The following FMN2 variants were observed in gnomAD, a reference collection of about 807,000 sequenced individuals.
FMN2 encodes the protein formin-2.
Under a neutral mutation model 142.3 loss-of-function variants are expected in FMN2, and 51 were observed. The ratio of observed to expected loss-of-function variants is 0.36; its 90% CI spans 0.29 to 0.45. The LOEUF is 0.45. Ranked by LOEUF, FMN2 falls within the 20% of genes least tolerant of loss-of-function variation. The probability of loss-of-function intolerance (pLI) is 1.00; values close to 1 mark genes in which losing one functional copy is unlikely to be tolerated. For synonymous variants in FMN2, 882 were observed against 869.8 expected, an observed-to-expected ratio of 1.01 and a Z score of -0.25; for missense variants, 1,936 against 2,122.8, an observed-to-expected ratio of 0.91 and a Z score of 1.73.
chr1:240,243,144 A>G (rs1667969453), intron 6 of FMN2, among the ~76,000 whole-genome samples: 1 of 152,146 alleles, frequency 6.6e-6, no homozygotes, highest in Non-Finnish European at 1.5e-5. Context: ...AAAAAAACCA[A>G]AAAACAAAAA....
At chr1:240,116,127 T>C (rs762605676) in intron 1 of FMN2, among the ~76,000 whole-genome samples, 6 of 152,204 alleles carry the variant, frequency 3.9e-5, no homozygotes, top group Non-Finnish European at 8.8e-5. Context: ...ATCTTGGTTT[T>C]GGTGGGTTTT....
intron 1 of FMN2, among the ~76,000 whole-genome samples, chr1:240,094,969 T>C (rs1162049957): frequency 6.6e-6 from 1 of 152,180 alleles, no homozygotes; most frequent in Non-Finnish European, 1.5e-5. Flanking sequence ...CCCTTAAAAG[T>C]AGCTTCTTCC....
chr1:240,174,679 T>A (rs965819603), intron 2 of FMN2, among the ~76,000 whole-genome samples: 5 of 152,194 alleles, frequency 3.3e-5, no homozygotes, highest in Admixed American at 3.3e-4. Context: ...TTCAGTTGTT[T>A]TCTTAAGCCA....
intron 14 of FMN2, among the ~76,000 whole-genome samples, chr1:240,384,976 T>G (rs1417839737): frequency 6.6e-6 from 1 of 152,174 alleles, no homozygotes; most frequent in Non-Finnish European, 1.5e-5. Flanking sequence ...ACCATTTTCT[T>G]AAAGGAAAAA....
intron 1 of FMN2, among the ~76,000 whole-genome samples, chr1:240,098,097 A>ATTTTTTTTTTTTTTTTTTTCTTTTT (rs1661279406): frequency 1.0e-5 from 1 of 98,690 alleles, no homozygotes; most frequent in Non-Finnish European, 1.9e-5. Context: ...GTTATCTTGA[A>ATTTTTTTTTTTTTTTTTTTCTTTTT]TTTTTTTTTT....
intron 11 of FMN2, among the ~76,000 whole-genome samples, chr1:240,331,560 G>A (rs1285700255): frequency 6.6e-6 from 1 of 152,176 alleles, no homozygotes; most frequent in East Asian, 1.9e-4. Context: ...ATAAAAATAT[G>A]TAGGACTGTC....
Position 240,282,484 on chromosome 1 carries a change from G to A in FMN2, c.4154-12338G>A, listed in dbSNP as rs183161902. Among the ~76,000 whole-genome samples, 46 of 152,292 alleles carry A rather than the reference G, an allele frequency of 3.0e-4. No homozygotes were observed. The East Asian group carries it at 6.9e-3, about 23-fold the overall frequency. Reference sequence around the variant, plus strand: ...ATAGAACGCCACTATTTAAATTTGGGATCAAAAGAAGAATGCTGTTGGTAT... The same window carrying A: ...ATAGAACGCCACTATTTAAATTTGGAATCAAAAGAAGAATGCTGTTGGTAT... On this transcript the variant is annotated intron_variant, in intron 7 of 17. Transcript: ENST00000319653.
At chr1:240,389,642 C>T (rs1047596873) in intron 14 of FMN2, among the ~76,000 whole-genome samples, 9 of 152,168 alleles carry the variant, frequency 5.9e-5, no homozygotes, top group African/African-American at 2.2e-4. Flanking sequence ...ACTAAGTTAA[C>T]ACCATAAGTA....
chr1:240,461,607 A>G (rs1676454810), intron 16 of FMN2, among the ~76,000 whole-genome samples: 2 of 152,220 alleles, frequency 1.3e-5, no homozygotes, highest in Non-Finnish European at 2.9e-5. Context: ...TTTCCACTGT[A>G]GGAATATCAT....
chr1:240,336,208 T>A (rs1671550434), intron 13 of FMN2, among the ~76,000 whole-genome samples: 1 of 152,054 alleles, frequency 6.6e-6, no homozygotes, highest in African/African-American at 2.4e-5. Context: ...CGCCTCTGAA[T>A]ACTATTTCCG....
At chr1:240,239,243 G>T (rs1311799664) in intron 6 of FMN2, among the ~76,000 whole-genome samples, 2 of 152,158 alleles carry the variant, frequency 1.3e-5, no homozygotes, top group Non-Finnish European at 2.9e-5. Context: ...TAGGAATAAT[G>T]AATGATTTGG....
chr1:240,170,613 A>G, intron 2 of FMN2: 2 of 1,575,016 alleles, frequency 1.3e-6, no homozygotes, highest in Non-Finnish European at 1.7e-6. Flanking sequence ...CATTTTCTGA[A>G]TGCACAGTTG....
At chr1:240,269,164 CT>C (rs1275762219) in intron 7 of FMN2, among the ~76,000 whole-genome samples, 1 of 151,976 alleles carries the variant, frequency 6.6e-6, no homozygotes, top group African/African-American at 2.4e-5. Flanking sequence ...CCTGTGTTTT[CT>C]TCGAGTAGTT....
chr1:240,211,012 C>T, intron 5 of FMN2, 79 bp from the exon 6 acceptor site: 1 of 1,392,114 alleles, frequency 7.2e-7, no homozygotes, highest in South Asian at 1.5e-5. Flanking sequence ...CCTCCCTCCC[C>T]TTCTTCCTTT....
chr1:240,435,405 G>A (rs1675331645), intron 15 of FMN2, among the ~76,000 whole-genome samples: 1 of 151,228 alleles, frequency 6.6e-6, no homozygotes, highest in African/African-American at 2.4e-5. Context: ...AAAATCTTCA[G>A]AGAACATGAT....
chr1:240,185,034 C>T (rs1373885901), intron 3 of FMN2, among the ~76,000 whole-genome samples: 58 of 37,410 alleles, frequency 1.6e-3, no homozygotes, highest in African/African-American at 7.7e-3. Context: ...CTATACCTTC[C>T]CCCTTCTCTT....
At chr1:240,189,602 C>G (rs891677858) in intron 4 of FMN2, among the ~76,000 whole-genome samples, 1 of 152,204 alleles carries the variant, frequency 6.6e-6, no homozygotes, top group Non-Finnish European at 1.5e-5. Context: ...AAAACAGCAC[C>G]TGGGTGCTTT....
intron 15 of FMN2, among the ~76,000 whole-genome samples, chr1:240,434,555 G>GTTTTTTTTTTTT (rs57596533): frequency 1.3e-5 from 2 of 148,176 alleles, no homozygotes; most frequent in Non-Finnish European, 1.5e-5. Flanking sequence ...TTTGTTTTTT[G>GTTTTTTTTTTTT]TTTTTTTTTG....
At chr1:240,366,195 G>A (rs775066200) in intron 14 of FMN2, among the ~76,000 whole-genome samples, 1 of 152,132 alleles carries the variant, frequency 6.6e-6, no homozygotes, top group Non-Finnish European at 1.5e-5. Flanking sequence ...TCACAGAATA[G>A]AACATGATCA....
Sources: allele counts gnomAD v4.1 joint callset (sites outside exome capture counted in the v4.1 genomes callset), GRCh38; gene constraint gnomAD v4.1.1; transcripts MANE v1.5; gene names NCBI Gene and HGNC (gene_info 2026-07-23, HGNC 2026-07-21).